The following KIF20B variants were observed in gnomAD, a reference collection of about 807,000 sequenced individuals.
The protein encoded by KIF20B is kinesin family member 20B.
A neutral mutation model predicts 232.5 loss-of-function variants in KIF20B; 188 were observed. The ratio of observed to expected loss-of-function variants is 0.81; its 90% CI spans 0.72 to 0.91. The LOEUF (loss-of-function observed/expected upper bound fraction) is 0.91. KIF20B is among the 40% of genes least tolerant of loss of function. The pLI, the probability that KIF20B is intolerant of heterozygous loss-of-function variation, is 0.00. For synonymous variants in KIF20B, 712 were observed against 683.0 expected (o/e 1.04, Z -0.66); for missense variants, 2,154 against 2,055.9 (o/e 1.05, Z -0.92).
intron 32 of KIF20B, 107 bp from the exon 33 acceptor site, chr10:89,773,864 A>G (rs1699324711): frequency 1.9e-6 from 1 of 514,104 alleles, no homozygotes; most frequent in African/African-American, 2.0e-5. Flanking sequence ...TCTCCAATGT[A>G]TCATTTCAGT....
In KIF20B at chr10:89,717,604, G is replaced by A. The variant is rs1400457473; in HGVS notation, c.1153G>A (p.Glu385Lys). 1.2e-6 allele frequency: 2 copies of A among 1,611,154 alleles called. No homozygotes were observed. The highest frequency in any genetic ancestry group is 3.3e-5 in the Admixed American group (2 of 59,762). Reference protein sequence around the residue: ...ELSLCDLAGSERTMKTQNEGE... With the variant: ...ELSLCDLAGSKRTMKTQNEGE... ...ATCTTTATGTGATCTTGCTGGTTCA[G>A]AACGAACTATGAAGACACAGAATGA... Residue 385 changes from glutamate to lysine, a missense_variant, in exon 11 of 33, where the codon GAA (glutamate) becomes AAA (lysine). Glu to Lys is a moderately conservative substitution (Grantham distance 56, BLOSUM62 1). Transcript: ENST00000371728.
chr10:89,753,290 A>G (rs1842058136), intron 25 of KIF20B, among the ~76,000 whole-genome samples: 1 of 152,182 alleles, frequency 6.6e-6, no homozygotes, highest in Non-Finnish European at 1.5e-5. Flanking sequence ...GGATTGAAGG[A>G]AACATAATAG....
chr10:89,732,013 C>T (rs1270349944), intron 18 of KIF20B, among the ~76,000 whole-genome samples: 1 of 152,196 alleles, frequency 6.6e-6, no homozygotes, highest in African/African-American at 2.4e-5. Flanking sequence ...TTTCTGCCTT[C>T]ACCATACATT....
At chr10:89,773,884 C>T in intron 32 of KIF20B, 87 bp from the exon 33 acceptor site, 2 of 666,812 alleles carry the variant, frequency 3.0e-6, no homozygotes, top group Non-Finnish European at 4.9e-6. Flanking sequence ...TTACTAAGCA[C>T]ATGAACATGT....
In KIF20B at chr10:89,751,449, G is replaced by A. The variant is rs1440616973; in HGVS notation, c.4200G>A (p.Glu1400=). 1 of 1,606,514 alleles carries A rather than the reference G, an allele frequency of 6.2e-7. No homozygotes were observed. Among genetic ancestry groups the A allele is most frequent in the Admixed American group, 1.7e-5 (1 of 58,960 alleles). ...EQDQVLEAKL[E]EVERLATELE... ...ATCAAGTGCTTGAGGCTAAATTAGA[G>A]GAAGTTGAAAGGCTGGCCACAGGTA... is the stretch of plus-strand genomic sequence containing the variant. The change falls in exon 24 of 33, where the codon GAG becomes GAA. Residue 1400 remains glutamate (E), a synonymous_variant. Transcript: ENST00000371728.
At chr10:89,757,168 A>G (rs1411813349) in intron 26 of KIF20B, among the ~76,000 whole-genome samples, 5 of 151,366 alleles carry the variant, frequency 3.3e-5, no homozygotes, top group African/African-American at 4.8e-5. Context: ...TTATACCCCA[A>G]CTAGTGTTGC....
In KIF20B at chr10:89,723,887, T is replaced by A. The variant is rs183621997; in HGVS notation, c.1723-77T>A. 1.1e-4 allele frequency: 129 copies of A among 1,131,310 alleles called. 1 individual carries two copies. The East Asian group carries it at 3.6e-3, about 31-fold the overall frequency. 70.1% of individuals were successfully genotyped at this position (1,131,310 alleles called of 1,614,324 possible). On this transcript the variant is annotated intron_variant, in intron 13 of 32. Coordinates refer to ENST00000371728, the MANE Select transcript of KIF20B (RefSeq NM_001284259.2). ...CAATTGACTAAATGTAAAGTTTTATTTTTTGAACAGTTGGACGGTATTTCT... is the reference window on the plus strand; with the variant it reads ...CAATTGACTAAATGTAAAGTTTTATATTTTGAACAGTTGGACGGTATTTCT...
intron 19 of KIF20B, among the ~76,000 whole-genome samples, chr10:89,736,633 C>T (rs759095292): frequency 6.6e-6 from 1 of 151,882 alleles, no homozygotes; most frequent in Non-Finnish European, 1.5e-5. Flanking sequence ...TAGCAATATA[C>T]ATATTAAGCC....
intron 29 of KIF20B, 122 bp downstream of exon 29, chr10:89,762,957 A>G (rs1842277021): frequency 1.5e-6 from 1 of 680,866 alleles, no homozygotes; most frequent in African/African-American, 1.8e-5. Flanking sequence ...GACCAAAATC[A>G]CAATTTATGC....
intron 16 of KIF20B, among the ~76,000 whole-genome samples, chr10:89,726,906 A>G (rs1038595110): frequency 1.3e-5 from 2 of 151,906 alleles, no homozygotes; most frequent in South Asian, 2.1e-4. Flanking sequence ...CCTGGGCTCA[A>G]TTACTCCTCT....
At chr10:89,757,869 C>A (rs10881659) in intron 26 of KIF20B, among the ~76,000 whole-genome samples, 46,296 of 150,934 alleles carry the variant, frequency 0.31, 7,932 homozygotes, top group African/African-American at 0.45. Context: ...TTGTTCCAGC[C>A]CCATTTATTG....
intron 29 of KIF20B, among the ~76,000 whole-genome samples, chr10:89,766,064 G>T (rs1046426606): frequency 6.6e-5 from 10 of 152,110 alleles, no homozygotes; most frequent in African/African-American, 2.2e-4. Flanking sequence ...GCTAGATTGA[G>T]GAAGTTCTCC....
At chr10:89,704,611 C>T (rs1842685142) in intron 1 of KIF20B, among the ~76,000 whole-genome samples, 1 of 151,578 alleles carries the variant, frequency 6.6e-6, no homozygotes. Flanking sequence ...GGCTTGAGTG[C>T]AGTGGCGCGA....
chr10:89,708,375 C>G (rs1014009756), intron 2 of KIF20B, among the ~76,000 whole-genome samples: 1 of 152,104 alleles, frequency 6.6e-6, no homozygotes, highest in African/African-American at 2.4e-5. Flanking sequence ...CCATGCCTGG[C>G]TAATTTTGTA....
chr10:89,707,047 T>C (rs1842737810), intron 2 of KIF20B, among the ~76,000 whole-genome samples: 1 of 152,190 alleles, frequency 6.6e-6, no homozygotes, highest in Non-Finnish European at 1.5e-5. Flanking sequence ...GTATTCTTCA[T>C]TTTATTTAGG....
intron 18 of KIF20B, 63 bp from the exon 19 acceptor site, chr10:89,732,840 T>G: frequency 7.4e-7 from 1 of 1,349,328 alleles, no homozygotes; most frequent in Non-Finnish European, 9.9e-7. Flanking sequence ...AAGTAATTTA[T>G]GTGATTTGTA....
chr10:89,725,187 C>T, intron 15 of KIF20B, 29 bp downstream of exon 15: 3 of 1,607,894 alleles, frequency 1.9e-6, no homozygotes, highest in Non-Finnish European at 2.6e-6. Context: ...TTAAAAATAT[C>T]CAGTGAGGTT....
chr10:89,722,057 G>T (rs1843070694), intron 13 of KIF20B, among the ~76,000 whole-genome samples: 1 of 152,010 alleles, frequency 6.6e-6, no homozygotes, highest in Non-Finnish European at 1.5e-5. Context: ...GACCACAGAT[G>T]CATGCCACCA....
rs1841903682 is a variant in KIF20B, at chr10:89,746,072, G to C, written c.4096+113G>C. 3 of 749,688 alleles carry C rather than the reference G, an allele frequency of 4.0e-6. No individual in the cohort carries two copies. In the East Asian group the frequency reaches 7.9e-5, roughly 20 times the overall value. The allele number at this position is 749,688 out of a possible 1,614,324, so 46.4% of individuals were successfully genotyped here. On this transcript the variant is annotated intron_variant, in intron 23 of 32. Transcript: ENST00000371728. ...GGTGCCCTGCAGCTCAAACCCCTAG[G>C]GGGAGCATGCAGACGGGCAGGTCTT...
Sources: gnomAD v4.1 joint callset for allele counts (sites outside exome capture counted in the v4.1 genomes callset) on GRCh38, gnomAD v4.1.1 for gene constraint, MANE v1.5 for transcripts, NCBI Gene and HGNC (gene_info 2026-07-23, HGNC 2026-07-21) for gene names.